LRP1B: variants seen among roughly 807,000 people sequenced by gnomAD.
LRP1B encodes the protein low-density lipoprotein receptor-related protein 1B.
Under a neutral mutation model 556.6 loss-of-function variants are expected in LRP1B, and 217 were observed. The observed-to-expected ratio is 0.39, with a 90% CI of 0.35 to 0.44. LRP1B has a LOEUF of 0.44. LRP1B is among the 20% of genes least tolerant of loss of function. The probability of loss-of-function intolerance (pLI) is 1.00; values close to 1 mark genes in which losing one functional copy is unlikely to be tolerated. For synonymous variants in LRP1B, 2,047 were observed against 1,865.8 expected, an observed-to-expected ratio of 1.10 and a Z score of -2.50; for missense variants, 5,053 against 5,620.8, an observed-to-expected ratio of 0.90 and a Z score of 3.23.
intron 41 of LRP1B, among the ~76,000 whole-genome samples, chr2:140,685,831 A>G (rs1686027260): frequency 6.6e-6 from 1 of 152,160 alleles, no homozygotes; most frequent in African/African-American, 2.4e-5. Context: ...CCTGTCTAGA[A>G]CCACTTAACA....
At chr2:141,368,202 TG>T (rs1689112026) in intron 3 of LRP1B, among the ~76,000 whole-genome samples, 2 of 152,190 alleles carry the variant, frequency 1.3e-5, no homozygotes, top group Admixed American at 6.5e-5. Flanking sequence ...GTATGAATTG[TG>T]GAATGTCTTA....
intron 2 of LRP1B, among the ~76,000 whole-genome samples, chr2:141,719,053 TC>T (rs796803849): frequency 2.2e-4 from 34 of 151,956 alleles, no homozygotes; most frequent in African/African-American, 7.2e-4. Context: ...ATTCTGACTT[TC>T]CCCCCCACCA....
At chr2:141,334,411 C>G (rs577145575) in intron 3 of LRP1B, among the ~76,000 whole-genome samples, 1 of 152,390 alleles carries the variant, frequency 6.6e-6, no homozygotes, top group South Asian at 2.1e-4. Flanking sequence ...CTGCCATGAG[C>G]TAAAGCTCCC....
chr2:141,590,309 TC>T lies in LRP1B; in HGVS notation c.206-109777del, dbSNP rs1342055355. On this transcript the variant is annotated intron_variant, in intron 2 of 90. Coordinates refer to ENST00000389484, the MANE Select transcript of LRP1B (RefSeq NM_018557.3). Reference sequence around the variant, plus strand: ...GCCTGACATAAGCTGAATTTAAAACTCTTGCTGAGATTACCACCCTTTTAAT... The same window carrying T: ...GCCTGACATAAGCTGAATTTAAAACTTTGCTGAGATTACCACCCTTTTAAT... 3.3e-5 allele frequency among the ~76,000 whole-genome samples: 5 copies of T among 152,320 alleles called. No homozygotes were observed. The East Asian group carries it at 9.7e-4, about 29-fold the overall frequency.
intron 3 of LRP1B, among the ~76,000 whole-genome samples, chr2:141,442,527 C>G (rs1272903416): frequency 6.6e-6 from 1 of 151,362 alleles, no homozygotes; most frequent in Admixed American, 6.6e-5. Flanking sequence ...TTTGCTGCAC[C>G]CATCAACCCA....
At chr2:140,528,520 T>C (rs1690538708) in intron 47 of LRP1B, among the ~76,000 whole-genome samples, 1 of 151,524 alleles carries the variant, frequency 6.6e-6, no homozygotes, top group South Asian at 2.1e-4. Flanking sequence ...AAAATAACAA[T>C]AGGGCTAATG....
At chr2:141,699,672 A>G (rs1691866169) in intron 2 of LRP1B, among the ~76,000 whole-genome samples, 1 of 151,474 alleles carries the variant, frequency 6.6e-6, no homozygotes, top group South Asian at 2.1e-4. Flanking sequence ...GTTCTATTTT[A>G]GAGATATTAT....
At chr2:140,580,212 G>T (rs1462082494) in intron 43 of LRP1B, among the ~76,000 whole-genome samples, 6 of 152,162 alleles carry the variant, frequency 3.9e-5, no homozygotes, top group African/African-American at 1.4e-4. Flanking sequence ...AGCAAATTGA[G>T]TAATATCTTA....
At chr2:140,270,439 A>G in intron 85 of LRP1B, 93 bp from the exon 86 acceptor site, 1 of 834,010 alleles carries the variant, frequency 1.2e-6, no homozygotes, top group Admixed American at 1.9e-5. Flanking sequence ...GAGAATATTC[A>G]TCATATAGGA....
chr2:140,566,440 A>G (rs1451696674), intron 43 of LRP1B, among the ~76,000 whole-genome samples: 2 of 152,104 alleles, frequency 1.3e-5, no homozygotes, highest in African/African-American at 4.8e-5. Context: ...GAGTTGCTTT[A>G]TCTATACCTT....
chr2:140,813,140 T>G (rs1690987012), intron 32 of LRP1B, among the ~76,000 whole-genome samples: 2 of 152,116 alleles, frequency 1.3e-5, no homozygotes, highest in African/African-American at 4.8e-5. Flanking sequence ...CCTAGAAGAT[T>G]GAATCAAAGA....
At chr2:142,007,857 T>C (rs1162368138) in intron 1 of LRP1B, among the ~76,000 whole-genome samples, 2 of 152,232 alleles carry the variant, frequency 1.3e-5, no homozygotes, top group African/African-American at 4.8e-5. Context: ...TATTTAACTT[T>C]ACTAAGCCTG....
intron 41 of LRP1B, among the ~76,000 whole-genome samples, chr2:140,673,933 TTTTC>T (rs1220350501): frequency 3.5e-5 from 5 of 144,424 alleles, no homozygotes; most frequent in Non-Finnish European, 7.4e-5. Context: ...AATATATCTC[TTTTC>T]TTTTTTCTTT....
At chr2:140,946,052 A>G (rs1190432948) in intron 20 of LRP1B, among the ~76,000 whole-genome samples, 4 of 152,222 alleles carry the variant, frequency 2.6e-5, no homozygotes, top group Non-Finnish European at 2.9e-5. Context: ...AAAGACATGA[A>G]CAGACACTTC....
In LRP1B at chr2:140,378,203, C is replaced by T. The variant is rs138286864; in HGVS notation, c.10615G>A (p.Asp3539Asn). 2.5e-5 allele frequency: 40 copies of T among 1,613,416 alleles called. No individual in the cohort carries two copies. The highest frequency in any genetic ancestry group is 3.2e-5 in the Non-Finnish European group (38 of 1,179,602). ...SSRFWCDGDFDCADGSDERNC... is the reference protein window; with the variant it reads ...SSRFWCDGDFNCADGSDERNC... ...ACCTCATCAGAGCCATCTGCACAGTCAAAATCTCCATCACACCAAAACCTT... is the reference window on the plus strand; with the variant it reads ...ACCTCATCAGAGCCATCTGCACAGTTAAAATCTCCATCACACCAAAACCTT... Residue 3539 changes from aspartate to asparagine, a missense_variant, in exon 68 of 91, where the codon GAC becomes AAC. By Grantham distance (23) the Asp-to-Asn change is conservative. Coordinates refer to ENST00000389484, the MANE Select transcript of LRP1B (RefSeq NM_018557.3).
intron 2 of LRP1B, among the ~76,000 whole-genome samples, chr2:141,604,117 A>G (rs1233195713): frequency 1.3e-5 from 2 of 152,216 alleles, no homozygotes; most frequent in Non-Finnish European, 2.9e-5. Flanking sequence ...ATGTATATCG[A>G]TGGATGGTCG....
chr2:140,619,577 G>A (rs534960277), intron 41 of LRP1B, among the ~76,000 whole-genome samples: 1 of 152,048 alleles, frequency 6.6e-6, no homozygotes, highest in African/African-American at 2.4e-5. Flanking sequence ...TGACCAAGTG[G>A]GAGTCCCCGT....
At chr2:141,309,640 A>G (rs148540056) in intron 3 of LRP1B, among the ~76,000 whole-genome samples, 1 of 152,062 alleles carries the variant, frequency 6.6e-6, no homozygotes, top group Non-Finnish European at 1.5e-5. Flanking sequence ...TCATATTCTC[A>G]CTCATAAGTA....
rs141592885 is a variant in LRP1B at position 141,980,796 on chromosome 2, T to G, written c.82+149852A>C. Among the ~76,000 whole-genome samples, 334 of 152,230 alleles carry G rather than the reference T, an allele frequency of 2.2e-3. 2 individuals carry two copies. Among genetic ancestry groups the G allele is most frequent in the African/African-American group, 7.7e-3 (318 of 41,550 alleles). ...AGAATCAACTGTGAATTTTCCTGAATTTTAAATGGCCCCATATAGCTAGAC... is the reference window on the plus strand; with the variant it reads ...AGAATCAACTGTGAATTTTCCTGAAGTTTAAATGGCCCCATATAGCTAGAC... On this transcript the variant is annotated intron_variant, in intron 1 of 90. Coordinates refer to ENST00000389484, the MANE Select transcript of LRP1B (RefSeq NM_018557.3).
Sources: gnomAD v4.1 joint callset for allele counts (sites outside exome capture counted in the v4.1 genomes callset) on GRCh38, gnomAD v4.1.1 for gene constraint, MANE v1.5 for transcripts, NCBI Gene and HGNC (gene_info 2026-07-23, HGNC 2026-07-21) for gene names.